The following VWA8 variants were observed in gnomAD, a reference collection of about 807,000 sequenced individuals.
VWA8 encodes von Willebrand factor A domain containing 8, also known as von Willebrand factor A domain-containing protein 8.
A neutral mutation model predicts 241.5 loss-of-function variants in VWA8; 221 were observed. The observed-to-expected ratio is 0.91, with a 90% CI of 0.82 to 1.02. The LOEUF (loss-of-function observed/expected upper bound fraction) is 1.02, where lower values mean the gene tolerates loss of function less well. Ranked by LOEUF, VWA8 falls within the 50% of genes least tolerant of loss-of-function variation. VWA8 has a pLI of 0.00. For missense variants in VWA8, 2,322 were observed against 2,328.7 expected, an observed-to-expected ratio of 1.00 and a Z score of 0.06; for synonymous variants, 852 against 827.1, an observed-to-expected ratio of 1.03 and a Z score of -0.52.
chr13:41,887,316 T>G lies in VWA8; in HGVS notation c.697A>C (p.Ser233Arg). Residue 233 changes from serine to arginine, a missense_variant, in exon 6 of 45, where the codon AGT becomes CGT. Coordinates refer to ENST00000379310, the MANE Select transcript of VWA8 (RefSeq NM_015058.2). ...ELDSWKIVRV[S>R]ENFRVIALGL... is the part of the protein sequence containing the mutation. ...AAGGCAATCACTCGGAAATTTTCAC[T>G]AACTCGGACAATTTTCCAAGAATCC... is the stretch of plus-strand genomic sequence containing the variant. 6.2e-7 allele frequency: 1 copy of G among 1,613,316 alleles called. No individual in the cohort carries two copies. The highest frequency in any genetic ancestry group is 8.5e-7 in the Non-Finnish European group (1 of 1,179,772).
intron 37 of VWA8, among the ~76,000 whole-genome samples, chr13:41,633,060 G>A (rs2044735758): frequency 6.6e-6 from 1 of 152,138 alleles, no homozygotes. Context: ...CCGATACAGA[G>A]TATGAAACAG....
chr13:41,901,798 A>G (rs1339957119), intron 4 of VWA8, among the ~76,000 whole-genome samples: 7 of 140,842 alleles, frequency 5.0e-5, no homozygotes, highest in Non-Finnish European at 9.1e-5. Flanking sequence ...CCCAGGAGGC[A>G]GAGGTTGCAG....
chr13:41,716,876 G>A (rs2045350928), intron 26 of VWA8, among the ~76,000 whole-genome samples: 1 of 151,908 alleles, frequency 6.6e-6, no homozygotes, highest in South Asian at 2.1e-4. Flanking sequence ...ACAAGAACTG[G>A]TTTAGCAAAA....
chr13:41,690,057 G>T, intron 33 of VWA8, 109 bp downstream of exon 33: 2 of 882,560 alleles, frequency 2.3e-6, no homozygotes, highest in Non-Finnish European at 3.3e-6. Flanking sequence ...TTTTTCTTTT[G>T]GTGTAAACTT....
chr13:41,620,506 T>C (rs1485753808), intron 37 of VWA8, among the ~76,000 whole-genome samples: 1 of 152,242 alleles, frequency 6.6e-6, no homozygotes, highest in African/African-American at 2.4e-5. Context: ...TGTTGCCTTC[T>C]GCTAGCTTTT....
chr13:41,762,756 T>C (rs9562349), intron 20 of VWA8, among the ~76,000 whole-genome samples: 41,228 of 151,976 alleles, frequency 0.27, 6,487 homozygotes, highest in Non-Finnish European at 0.35. Flanking sequence ...TCAATTGAAA[T>C]GGTATTTATT....
At chr13:41,592,727 CAAA>C (rs34814466) in intron 40 of VWA8, among the ~76,000 whole-genome samples, 8 of 127,196 alleles carry the variant, frequency 6.3e-5, no homozygotes, top group East Asian at 2.3e-4. Flanking sequence ...CTGTTAATTC[CAAA>C]AAAAAAAAAA....
At chr13:41,806,825 C>A (rs1171743798) in intron 17 of VWA8, among the ~76,000 whole-genome samples, 1 of 151,104 alleles carries the variant, frequency 6.6e-6, no homozygotes, top group African/African-American at 2.4e-5. Flanking sequence ...TTGCAGTGAG[C>A]TGAGGTCGTG....
chr13:41,638,437 G>C (rs1439462004), intron 37 of VWA8, among the ~76,000 whole-genome samples: 1 of 152,190 alleles, frequency 6.6e-6, no homozygotes, highest in African/African-American at 2.4e-5. Context: ...AAAGTGAAGA[G>C]GGCTCAGGGG....
chr13:41,805,814 C>CA (rs879412471), intron 17 of VWA8, among the ~76,000 whole-genome samples: 72 of 147,548 alleles, frequency 4.9e-4, no homozygotes, highest in African/African-American at 1.6e-3. Context: ...AACTTCATCT[C>CA]AAAAAAAAAG....
intron 12 of VWA8, 73 bp from the exon 13 acceptor site, chr13:41,833,604 G>T: frequency 7.0e-7 from 1 of 1,429,488 alleles, no homozygotes; most frequent in Non-Finnish European, 9.2e-7. Flanking sequence ...TAGCTTACAT[G>T]GCTTTATAGA....
At chr13:41,759,379 T>C (rs2045723433) in intron 21 of VWA8, among the ~76,000 whole-genome samples, 1 of 151,774 alleles carries the variant, frequency 6.6e-6, no homozygotes, top group African/African-American at 2.4e-5. Context: ...TTTTTAGCAA[T>C]TTGATTATAT....
At chr13:41,941,867 A>G (rs968874178) in intron 2 of VWA8, among the ~76,000 whole-genome samples, 3 of 152,232 alleles carry the variant, frequency 2.0e-5, no homozygotes, top group Admixed American at 2.0e-4. Context: ...AGAAACTGGC[A>G]CTGCTAGAAA....
intron 2 of VWA8, among the ~76,000 whole-genome samples, chr13:41,935,759 C>T (rs559238639): frequency 6.6e-6 from 1 of 150,762 alleles, no homozygotes; most frequent in Admixed American, 6.7e-5. Flanking sequence ...TCAAATTGTT[C>T]GAGGTTTTTT....
chr13:41,818,105 G>T (rs1016929563), intron 15 of VWA8, among the ~76,000 whole-genome samples: 1 of 151,750 alleles, frequency 6.6e-6, no homozygotes, highest in Non-Finnish European at 1.5e-5. Flanking sequence ...TGGGAATACA[G>T]GTGTGCACCA....
intron 21 of VWA8, among the ~76,000 whole-genome samples, chr13:41,753,868 T>C (rs985891260): frequency 5.9e-5 from 9 of 152,206 alleles, no homozygotes; most frequent in African/African-American, 2.2e-4. Flanking sequence ...TTAAGTGGAT[T>C]ATCCATAGAT....
intron 42 of VWA8, among the ~76,000 whole-genome samples, chr13:41,587,259 C>T (rs1405787309): frequency 6.6e-6 from 1 of 152,146 alleles, no homozygotes; most frequent in Non-Finnish European, 1.5e-5. Flanking sequence ...TGGGAACAGA[C>T]TTTTGCTTCT....
At chr13:41,801,000 T>A (rs541574120) in intron 17 of VWA8, among the ~76,000 whole-genome samples, 2 of 152,152 alleles carry the variant, frequency 1.3e-5, no homozygotes, top group Non-Finnish European at 2.9e-5. Context: ...GTTTTCTTTG[T>A]AGACTGAATT....
intron 37 of VWA8, among the ~76,000 whole-genome samples, chr13:41,642,121 T>A (rs1428130416): frequency 6.6e-6 from 1 of 151,774 alleles, no homozygotes; most frequent in Non-Finnish European, 1.5e-5. Context: ...CTTGGAGGAG[T>A]TAATTATACC....
Sources: gnomAD v4.1 joint callset for allele counts (sites outside exome capture counted in the v4.1 genomes callset) on GRCh38, gnomAD v4.1.1 for gene constraint, MANE v1.5 for transcripts, NCBI Gene and HGNC (gene_info 2026-07-23, HGNC 2026-07-21) for gene names.